Variants in RIN2 observed in about 807,000 individuals in gnomAD.
RIN2 encodes RAB5 interacting protein 2.
RIN2 carries 36 observed loss-of-function variants against 78.0 expected under a neutral mutation model. The ratio of observed to expected loss-of-function variants is 0.46; its 90% confidence interval spans 0.35 to 0.61. The LOEUF is 0.61. RIN2 is among the 20% of genes least tolerant of loss of function. The pLI is 0.00. For missense variants in RIN2, 1,087 were observed against 1,159.7 expected, an observed-to-expected ratio of 0.94 and a Z score of 0.91; for synonymous variants, 466 against 466.8, an observed-to-expected ratio of 1.00 and a Z score of 0.02.
intron 9 of RIN2, among the ~76,000 whole-genome samples, chr20:19,980,078 G>A (rs1330261582): frequency 6.8e-6 from 1 of 147,652 alleles, no homozygotes; most frequent in Non-Finnish European, 1.5e-5. Context: ...TCTTCTGAGA[G>A]GTGTAGCCAG....
intron 2 of RIN2, among the ~76,000 whole-genome samples, chr20:19,811,798 G>C (rs1423033109): frequency 6.6e-6 from 1 of 151,582 alleles, no homozygotes; most frequent in Non-Finnish European, 1.5e-5. Context: ...TTATAGTTTT[G>C]AGTAGAAAAA....
intron 3 of RIN2, among the ~76,000 whole-genome samples, chr20:19,900,597 T>C (rs1206792634): frequency 2.0e-5 from 3 of 151,266 alleles, no homozygotes; most frequent in Non-Finnish European, 4.4e-5. Context: ...GAGACCACCC[T>C]GGGCAACACA....
At chr20:19,797,333 C>T (rs185725991) in intron 1 of RIN2, among the ~76,000 whole-genome samples, 1 of 152,184 alleles carries the variant, frequency 6.6e-6, no homozygotes, top group Non-Finnish European at 1.5e-5. Context: ...AAAACATTAT[C>T]CCTTGCATTA....
At chr20:19,819,621 G>A (rs149237480) in intron 2 of RIN2, among the ~76,000 whole-genome samples, 132 of 152,240 alleles carry the variant, frequency 8.7e-4, no homozygotes, top group African/African-American at 3.1e-3. Flanking sequence ...CTGTAACCTC[G>A]ACCTCCCAAG....
chr20:19,969,586 G>A (rs2042041193), intron 7 of RIN2, among the ~76,000 whole-genome samples: 1 of 152,050 alleles, frequency 6.6e-6, no homozygotes, highest in Non-Finnish European at 1.5e-5. Context: ...TCTGTAAATT[G>A]TGTATTTGTT....
intron 2 of RIN2, among the ~76,000 whole-genome samples, chr20:19,844,644 T>TC (rs2036698428): frequency 1.5e-5 from 2 of 134,900 alleles, no homozygotes; most frequent in African/African-American, 5.8e-5. Flanking sequence ...TTCTTCTTCT[T>TC]CTTCTTCTTC....
At chr20:19,921,290 G>A (rs2039907453) in intron 3 of RIN2, among the ~76,000 whole-genome samples, 1 of 152,180 alleles carries the variant, frequency 6.6e-6, no homozygotes, top group Non-Finnish European at 1.5e-5. Context: ...GCACATTGGT[G>A]TTTTTGGGTG....
rs2036153303 is a variant in RIN2 at position 19,828,231 on chromosome 20, TCCCA to T, written c.-37+28485_-37+28488del. ...CAAAATTTATCAGCACAACTGAGTT[TCCCA>T]TTCCTAGCTTTTGTGAACATAAGGA... On this transcript the variant is annotated intron_variant, in intron 2 of 12. Transcript: ENST00000255006. 4.6e-5 allele frequency among the ~76,000 whole-genome samples: 7 copies of T among 152,344 alleles called. No individual in the cohort carries two copies. In the South Asian group the frequency reaches 1.4e-3, roughly 32 times the overall value.
At chr20:19,886,710 G>C (rs1252929825) in intron 2 of RIN2, 3 of 1,547,744 alleles carry the variant, frequency 1.9e-6, no homozygotes, top group Non-Finnish European at 2.6e-6. Flanking sequence ...TTACCCTTCA[G>C]GGAAGCCAGG....
chr20:19,972,266 C>A (rs2042131399), intron 8 of RIN2, among the ~76,000 whole-genome samples: 1 of 152,180 alleles, frequency 6.6e-6, no homozygotes, highest in Admixed American at 6.5e-5. Flanking sequence ...CAACTAGATT[C>A]TAGGCCTCTT....
intron 2 of RIN2, among the ~76,000 whole-genome samples, chr20:19,818,518 G>A (rs1202596877): frequency 6.6e-6 from 1 of 152,174 alleles, no homozygotes; most frequent in Non-Finnish European, 1.5e-5. Context: ...CGGATCACAA[G>A]GTCAGGAGTT....
intron 2 of RIN2, among the ~76,000 whole-genome samples, chr20:19,861,927 C>A (rs1451162381): frequency 6.6e-6 from 1 of 151,794 alleles, no homozygotes; most frequent in Non-Finnish European, 1.5e-5. Flanking sequence ...TGATGATCAC[C>A]ATCCATATCT....
intron 3 of RIN2, among the ~76,000 whole-genome samples, chr20:19,893,812 C>G (rs796944072): frequency 3.9e-5 from 6 of 152,302 alleles, no homozygotes; most frequent in African/African-American, 1.4e-4. Context: ...TGGCTCACAC[C>G]TGTAAATTGT....
intron 2 of RIN2, among the ~76,000 whole-genome samples, chr20:19,886,230 C>T (rs1316298195): frequency 2.0e-5 from 3 of 152,250 alleles, no homozygotes; most frequent in African/African-American, 7.2e-5. Flanking sequence ...GCAGCCTCAG[C>T]TCCTGGCCTC....
At chr20:19,880,728 A>G (rs1258789313) in intron 2 of RIN2, among the ~76,000 whole-genome samples, 2 of 152,124 alleles carry the variant, frequency 1.3e-5, no homozygotes, top group Non-Finnish European at 2.9e-5. Flanking sequence ...GTAAAATCCT[A>G]TGCACTTACT....
intron 2 of RIN2, among the ~76,000 whole-genome samples, chr20:19,864,943 G>A (rs2037455723): frequency 6.6e-6 from 1 of 152,070 alleles, no homozygotes. Context: ...ATTCAAGCTA[G>A]GATATGAAAT....
chr20:19,985,043 G>C (rs569012692), intron 9 of RIN2, among the ~76,000 whole-genome samples: 1 of 152,160 alleles, frequency 6.6e-6, no homozygotes, highest in Admixed American at 6.5e-5. Flanking sequence ...GCCTCCCCAC[G>C]GCTCCCAGGG....
In RIN2 at chr20:19,960,772, G is replaced by T. The variant is rs1213809202; in HGVS notation, c.424G>T (p.Ala142Ser). The T allele has an allele frequency of 1.2e-6, 2 of 1,602,938 alleles. No individual in the cohort carries two copies. Among genetic ancestry groups the T allele is most frequent in the Non-Finnish European group, 1.7e-6 (2 of 1,174,816 alleles). ...CCTCCGCCTGCCCTGTGAATTTGGG[G>T]CCCCACTCAAGGAATTTGCCATAAA... ...LSLRLPCEFGAPLKEFAIKES... is the reference protein window; with the variant it reads ...LSLRLPCEFGSPLKEFAIKES... Residue 142 changes from alanine to serine, a missense_variant, in exon 6 of 13, where the codon GCC becomes TCC. By Grantham distance (99) the Ala-to-Ser change is moderately conservative (BLOSUM62 1). This residue lies in a region of RIN2 where 706 missense variants were observed against 667.5 expected (regional missense o/e 1.06). Coordinates refer to ENST00000255006, the MANE Select transcript of RIN2 (RefSeq NM_018993.4).
chr20:19,999,148 C>T (rs527415746), intron 12 of RIN2, among the ~76,000 whole-genome samples: 7 of 152,254 alleles, frequency 4.6e-5, no homozygotes, highest in East Asian at 1.9e-4. Flanking sequence ...AGAGGTAGTA[C>T]GTCTTGGTGG....
Sources: gnomAD v4.1 joint callset for allele counts (sites outside exome capture counted in the v4.1 genomes callset) on GRCh38, gnomAD v4.1.1 for gene constraint, gnomAD v4.1.1 regional missense constraint, MANE v1.5 for transcripts, NCBI Gene and HGNC (gene_info 2026-07-23, HGNC 2026-07-21) for gene names.